MTHFD1L: variants seen among roughly 807,000 people sequenced by gnomAD.
MTHFD1L encodes monofunctional C1-tetrahydrofolate synthase, mitochondrial.
MTHFD1L carries 81 observed loss-of-function variants against 119.5 expected under a neutral mutation model. That is an observed-to-expected ratio of 0.68 (90% confidence interval 0.57 to 0.82). MTHFD1L has a LOEUF of 0.82. Ranked by LOEUF, MTHFD1L falls within the 40% of genes least tolerant of loss-of-function variation. The pLI is 0.00. For missense variants in MTHFD1L, 1,125 were observed against 1,253.4 expected (o/e 0.90, Z 1.55); for synonymous variants, 430 against 475.2 (o/e 0.90, Z 1.24).
chr6:151,091,064 G>A (rs1226646393), intron 26 of MTHFD1L, among the ~76,000 whole-genome samples: 1 of 144,406 alleles, frequency 6.9e-6, no homozygotes, highest in African/African-American at 2.7e-5. Flanking sequence ...ACTGGGTGCA[G>A]CATCGTTCCA....
chr6:151,004,895 T>C (rs928046997), intron 20 of MTHFD1L, among the ~76,000 whole-genome samples: 1 of 152,226 alleles, frequency 6.6e-6, no homozygotes, highest in Non-Finnish European at 1.5e-5. Flanking sequence ...AAACAATTTA[T>C]TACAAGCCTT....
intron 12 of MTHFD1L, among the ~76,000 whole-genome samples, chr6:150,937,343 C>T (rs371328247): frequency 1.2e-4 from 18 of 152,150 alleles, no homozygotes; most frequent in Admixed American, 1.1e-3. Context: ...GTGTGGGGCC[C>T]GCAGAGCTCT....
intron 20 of MTHFD1L, among the ~76,000 whole-genome samples, chr6:151,000,930 T>G (rs1780528479): frequency 2.0e-5 from 3 of 152,260 alleles, no homozygotes; most frequent in African/African-American, 7.2e-5. Flanking sequence ...TTTTTGTTTT[T>G]GATTTGTTGT....
intron 24 of MTHFD1L, among the ~76,000 whole-genome samples, chr6:151,028,966 T>A (rs748862448): frequency 6.6e-6 from 1 of 151,682 alleles, no homozygotes; most frequent in African/African-American, 2.4e-5. Context: ...AGCTACACAG[T>A]ATGCTGAGGT....
intron 20 of MTHFD1L, among the ~76,000 whole-genome samples, chr6:151,007,703 C>T (rs111774584): frequency 0.021 from 3,124 of 152,228 alleles, 45 homozygotes; most frequent in Non-Finnish European, 0.031. Context: ...AAAAGTCACC[C>T]GGATTATCCC....
At chr6:150,958,060 C>T (rs1263278660) in intron 17 of MTHFD1L, among the ~76,000 whole-genome samples, 2 of 152,078 alleles carry the variant, frequency 1.3e-5, no homozygotes, top group Non-Finnish European at 2.9e-5. Flanking sequence ...TATATTAGCA[C>T]AGTTCATTTG....
rs189700318 is a variant in MTHFD1L, at chr6:150,908,335, G to A, written c.892+2574G>A. On this transcript the variant is annotated intron_variant, in intron 8 of 27. Transcript: ENST00000367321. ...AATTTGTCTCCCACTTAAAGATGGGGCTGATGGCCAGGCACAGTGGCTCAC... is the reference window on the plus strand; with the variant it reads ...AATTTGTCTCCCACTTAAAGATGGGACTGATGGCCAGGCACAGTGGCTCAC... Among the ~76,000 whole-genome samples, 16 of 151,920 alleles carry A rather than the reference G, an allele frequency of 1.1e-4. No individual in the cohort carries two copies. In the East Asian group the frequency reaches 2.4e-3, roughly 22 times the overall value.
chr6:150,877,567 C>G, intron 2 of MTHFD1L, 67 bp from the exon 3 acceptor site: 3 of 1,527,040 alleles, frequency 2.0e-6, no homozygotes, highest in Admixed American at 3.4e-5. Context: ...CAAAATTCAT[C>G]TCTGGATTAT....
At chr6:151,033,019 C>T (rs1193685200) in intron 24 of MTHFD1L, among the ~76,000 whole-genome samples, 2 of 152,272 alleles carry the variant, frequency 1.3e-5, no homozygotes, top group Non-Finnish European at 2.9e-5. Flanking sequence ...AGGCACATCA[C>T]GGGAGACTTG....
intron 20 of MTHFD1L, among the ~76,000 whole-genome samples, chr6:150,986,424 A>C (rs368695750): frequency 1.4e-4 from 22 of 152,326 alleles, no homozygotes; most frequent in African/African-American, 4.6e-4. Context: ...TGTGTTCTAA[A>C]CACTGCTCCC....
rs116394755 is a variant in MTHFD1L, at chr6:151,069,556, T to C, written c.2848-22911T>C. Among the ~76,000 whole-genome samples the C allele has an allele frequency of 1.5e-3, 234 of 152,338 alleles. 1 individual carries two copies. Among genetic ancestry groups the C allele is most frequent in the African/African-American group, 4.9e-3 (204 of 41,580 alleles). On this transcript the variant is annotated intron_variant, in intron 26 of 27. Coordinates refer to ENST00000367321, the MANE Select transcript of MTHFD1L (RefSeq NM_015440.5). ...CCTGCTAGATATACAACTTTGACTT[T>C]CATCAGAAGAAAGTGCTCCCATTGC... is the stretch of plus-strand genomic sequence containing the variant.
chr6:150,951,765 G>A lies in MTHFD1L; in HGVS notation c.1726+2632G>A, dbSNP rs2128977481. The stretch of plus-strand genomic sequence containing the variant: ...AACTAGGAAGATTTATTATTAAAAT[G>A]TCATCATGTCCAAAATGTATTGTCA... On this transcript the variant is annotated intron_variant, in intron 16 of 27. Transcript: ENST00000367321. Among the ~76,000 whole-genome samples, 3 of 150,990 alleles carry A rather than the reference G, an allele frequency of 2.0e-5. 1 individual carries two copies. The East Asian group carries it at 5.8e-4, about 29-fold the overall frequency.
At chr6:150,974,476 T>A (rs565850584) in intron 20 of MTHFD1L, among the ~76,000 whole-genome samples, 7 of 152,192 alleles carry the variant, frequency 4.6e-5, no homozygotes, top group Non-Finnish European at 1.0e-4. Context: ...GAGTGTACGT[T>A]CATTAGTGAA....
At chr6:151,080,329 G>T (rs1420955751) in intron 26 of MTHFD1L, among the ~76,000 whole-genome samples, 1 of 152,152 alleles carries the variant, frequency 6.6e-6, no homozygotes, top group Non-Finnish European at 1.5e-5. Context: ...TATACTTGTG[G>T]CATAATCCAG....
intron 15 of MTHFD1L, among the ~76,000 whole-genome samples, chr6:150,948,796 A>ACC (rs1794429970): frequency 1.7e-4 from 14 of 83,170 alleles, no homozygotes; most frequent in Non-Finnish European, 2.7e-4. Flanking sequence ...ATGCGCCACC[A>ACC]TGCCCAGCTA....
At chr6:151,045,000 A>G (rs1787752863) in intron 26 of MTHFD1L, among the ~76,000 whole-genome samples, 2 of 151,980 alleles carry the variant, frequency 1.3e-5, no homozygotes, top group South Asian at 4.2e-4. Context: ...AAAAGTATGT[A>G]CTCAGTGTTT....
At chr6:150,915,576 A>G (rs554075235) in intron 8 of MTHFD1L, among the ~76,000 whole-genome samples, 29 of 152,266 alleles carry the variant, frequency 1.9e-4, no homozygotes, top group Non-Finnish European at 3.7e-4. Flanking sequence ...AGCTCCTGGA[A>G]TGTAACTTTT....
chr6:150,961,664 G>C (rs1796479407), intron 18 of MTHFD1L, among the ~76,000 whole-genome samples: 1 of 152,176 alleles, frequency 6.6e-6, no homozygotes. Context: ...AAAGTGTCCG[G>C]ATTGTTTTTC....
In MTHFD1L at chr6:150,866,313, T is replaced by C. The variant is rs113900935; in HGVS notation, c.227+264T>C. 1,724 of 1,464,138 alleles carry C rather than the reference T, an allele frequency of 1.2e-3. 22 individuals carry two copies. In the African/African-American group the frequency reaches 0.023, roughly 19 times the overall value. The allele number at this position is 1,464,138 out of a possible 1,614,324, so 90.7% of individuals were successfully genotyped here. On this transcript the variant is annotated intron_variant, in intron 1 of 27. Coordinates refer to ENST00000367321, the MANE Select transcript of MTHFD1L (RefSeq NM_015440.5). ...CATCTCCAATGGGCGCCTAGCGGCA[T>C]GGACCGCACGCCCGGCTCCACGTGC...
Sources: allele counts gnomAD v4.1 joint callset (sites outside exome capture counted in the v4.1 genomes callset), GRCh38; gene constraint gnomAD v4.1.1; transcripts MANE v1.5; gene names NCBI Gene and HGNC (gene_info 2026-07-23, HGNC 2026-07-21).